COL4A6: variants seen among roughly 807,000 people sequenced by gnomAD.
COL4A6 encodes the protein collagen alpha-6(IV) chain.
COL4A6 carries 59 observed loss-of-function variants against 126.7 expected under a neutral mutation model. The observed-to-expected ratio is 0.47, with a 90% CI of 0.38 to 0.58. The LOEUF (loss-of-function observed/expected upper bound fraction) is 0.58, where lower values mean the gene tolerates loss of function less well. Ranked by LOEUF, COL4A6 falls within the 20% of genes least tolerant of loss-of-function variation. The pLI is 0.00. For synonymous variants in COL4A6, 547 were observed against 496.6 expected, an observed-to-expected ratio of 1.10 and a Z score of -1.35; for missense variants, 1,285 against 1,337.3, an observed-to-expected ratio of 0.96 and a Z score of 0.61.
intron 2 of COL4A6, among the ~76,000 whole-genome samples, chrX:108,332,986 A>G (rs137960086): frequency 0.013 from 1,392 of 110,687 alleles, 15 homozygotes; most frequent in Middle Eastern, 0.028. Context: ...CATTTAATCT[A>G]TCTTGAGTTA....
chrX:108,424,175 A>G (rs2064031988), intron 2 of COL4A6, among the ~76,000 whole-genome samples: 2 of 111,766 alleles, frequency 1.8e-5, no homozygotes, highest in Non-Finnish European at 3.8e-5. Context: ...TTGCTTACCA[A>G]TGAGTGTGGC....
intron 2 of COL4A6, among the ~76,000 whole-genome samples, chrX:108,423,937 T>C (rs778184037): frequency 9.0e-6 from 1 of 111,647 alleles, no homozygotes; most frequent in Non-Finnish European, 1.9e-5. Flanking sequence ...AAGCCAATTC[T>C]TCCCTCTGCC....
At chrX:108,385,606 C>T (rs1038629167) in intron 2 of COL4A6, among the ~76,000 whole-genome samples, 6 of 111,785 alleles carry the variant, frequency 5.4e-5, no homozygotes, top group African/African-American at 1.6e-4. Flanking sequence ...TTCAAAGCAA[C>T]AATAATCAGG....
chrX:108,437,844 G>T, intron 2 of COL4A6, 98 bp downstream of exon 2: 1 of 981,113 alleles, frequency 1.0e-6, no homozygotes, highest in Non-Finnish European at 1.4e-6. Flanking sequence ...CCGTCTCGTG[G>T]TGAAACTCTC....
intron 2 of COL4A6, among the ~76,000 whole-genome samples, chrX:108,372,933 G>C (rs1265278273): frequency 1.8e-5 from 2 of 112,286 alleles, no homozygotes; most frequent in Non-Finnish European, 3.8e-5. Flanking sequence ...TCACAACTAA[G>C]TGGGTAAGTG....
chrX:108,383,699 G>A (rs1001795811), intron 2 of COL4A6: 3 of 506,078 alleles, frequency 5.9e-6, no homozygotes, highest in Non-Finnish European at 7.2e-6. Context: ...GGAGAGAGTG[G>A]TAACTTTACT....
intron 3 of COL4A6, among the ~76,000 whole-genome samples, chrX:108,241,993 G>GTT (rs754002626): frequency 1.0e-3 from 87 of 85,866 alleles, no homozygotes; most frequent in African/African-American, 1.5e-3. Flanking sequence ...GATTTCACCA[G>GTT]TTTTTTTTTT....
intron 3 of COL4A6, among the ~76,000 whole-genome samples, chrX:108,226,522 A>G (rs1169356820): frequency 9.0e-6 from 1 of 110,810 alleles, no homozygotes; most frequent in African/African-American, 3.3e-5. Flanking sequence ...CTACATACTA[A>G]TGACTCCCAA....
At position 108,214,187 on chromosome X, in the gene COL4A6, C is replaced by T; in HGVS notation, c.366G>A (p.Leu122=). The T allele has an allele frequency of 8.3e-7, 1 of 1,209,909 alleles. No individual in the cohort carries two copies. Among genetic ancestry groups the T allele is most frequent in the African/African-American group, 1.7e-5 (1 of 57,738 alleles). ...GQPGPRGPPG[L]DGCNGTQGAV... is the part of the protein sequence containing the mutation. ...CTCCTTGAGTTCCATTACAGCCATC[C>T]AGACCAGGTGGGCCTCTGGGGCCTG... The change falls in exon 6 of 45, where the codon CTG becomes CTA. Residue 122 remains leucine (L), a synonymous_variant. Transcript: ENST00000334504.
chrX:108,193,713 A>G lies in COL4A6; in HGVS notation c.1003-16T>C, dbSNP rs1462827862. On this transcript the variant is annotated splice_polypyrimidine_tract_variant and intron_variant, in intron 16 of 44. Transcript: ENST00000334504. Reference sequence around the variant, plus strand: ...CCTTTTGACCCTGCAAAGATTAAGTACATTAAACACAAATATTTCCATTTC... The same window carrying G: ...CCTTTTGACCCTGCAAAGATTAAGTGCATTAAACACAAATATTTCCATTTC... 4 of 1,156,012 alleles carry G rather than the reference A, an allele frequency of 3.5e-6. No homozygotes were observed. The East Asian group carries it at 1.2e-4, about 35-fold the overall frequency.
At chrX:108,258,318 AC>A (rs1489891505) in intron 3 of COL4A6, among the ~76,000 whole-genome samples, 1 of 111,972 alleles carries the variant, frequency 8.9e-6, no homozygotes, top group African/African-American at 3.2e-5. Flanking sequence ...TGGGTGTCTT[AC>A]CCACTTCTTC....
At chrX:108,421,063 G>T (rs1378668310) in intron 2 of COL4A6, among the ~76,000 whole-genome samples, 1 of 112,134 alleles carries the variant, frequency 8.9e-6, no homozygotes, top group Non-Finnish European at 1.9e-5. Context: ...AGACTCTACA[G>T]ATTACTGATA....
At chrX:108,295,093 A>G (rs886698582) in intron 3 of COL4A6, among the ~76,000 whole-genome samples, 10 of 112,440 alleles carry the variant, frequency 8.9e-5, no homozygotes, top group Non-Finnish European at 1.5e-4. Context: ...ATCTGACAGC[A>G]ATCTCTGTAT....
At position 108,268,069 on chromosome X, in the gene COL4A6, T is replaced by C. The variant is rs1310532912; in HGVS notation, c.144+42679A>G. 4.5e-5 allele frequency: 5 copies of C among 111,916 alleles called. No individual in the cohort carries two copies. In the Admixed American group the frequency reaches 4.7e-4, roughly 11 times the overall value. The allele number at this position is 111,916 out of a possible 1,213,427, so 9.2% of individuals were successfully genotyped here. A position where few individuals can be genotyped will look rare whatever the true frequency, so the allele number is the denominator to read the frequency against. ...TTGTGTGGAAGCAGAAATATAAGTG[T>C]TCACCAGAAGTAACTTACCTGCCCA... On this transcript the variant is annotated intron_variant, in intron 3 of 44. Transcript: ENST00000334504.
rs187893084 is a variant in COL4A6 at position 108,391,757 on chromosome X, G to A, written c.63+46185C>T. On this transcript the variant is annotated intron_variant, in intron 2 of 44. Transcript: ENST00000334504. ...GTCTCTCATGGCTTACTGTGGCTAA[G>A]AAAGGGAAATCCCCCGACCCCTTGT... Among the ~76,000 whole-genome samples, 17 of 112,413 alleles carry A rather than the reference G, an allele frequency of 1.5e-4. No homozygotes were observed. The East Asian group carries it at 4.8e-3, about 32-fold the overall frequency.
intron 3 of COL4A6, among the ~76,000 whole-genome samples, chrX:108,251,905 T>A (rs1408661901): frequency 8.9e-6 from 1 of 111,902 alleles, no homozygotes. Context: ...GTTTCAATCA[T>A]GTATACATTA....
chrX:108,317,012 A>G (rs960416317), intron 2 of COL4A6, among the ~76,000 whole-genome samples: 2 of 112,350 alleles, frequency 1.8e-5, no homozygotes, highest in African/African-American at 6.5e-5. Flanking sequence ...TTTAAGGAGG[A>G]TTACTCAAGC....
chrX:108,283,820 G>C (rs1394956557), intron 3 of COL4A6, among the ~76,000 whole-genome samples: 1 of 111,010 alleles, frequency 9.0e-6, no homozygotes, highest in East Asian at 2.8e-4. Context: ...AAGAAAAAAT[G>C]GTCTTCCAAG....
Position 108,437,927 on chromosome X carries a change from T to C in COL4A6, c.63+15A>G, listed in dbSNP as rs1393840461. Reference sequence around the variant, plus strand: ...AAAGGAGGGGGACGGAAAAGGGTCGTGAGAAGAGACTCACCGCTGCTGCCA... The same window carrying C: ...AAAGGAGGGGGACGGAAAAGGGTCGCGAGAAGAGACTCACCGCTGCTGCCA... On this transcript the variant is annotated intron_variant, in intron 2 of 44. Transcript: ENST00000334504. 8.3e-7 allele frequency: 1 copy of C among 1,208,159 alleles called. No individual in the cohort carries two copies. Among genetic ancestry groups the C allele is most frequent in the Non-Finnish European group, 1.1e-6 (1 of 894,465 alleles).
Sources: allele counts gnomAD v4.1 joint callset (sites outside exome capture counted in the v4.1 genomes callset), GRCh38; gene constraint gnomAD v4.1.1; transcripts MANE v1.5; gene names NCBI Gene and HGNC (gene_info 2026-07-23, HGNC 2026-07-21).